Variants in SYNE2 observed in about 807,000 individuals in gnomAD.
SYNE2 encodes the protein nesprin-2.
In SYNE2, 431 loss-of-function variants were observed where a neutral mutation model predicts 856.3. The ratio of observed to expected loss-of-function variants is 0.50; its 90% CI spans 0.47 to 0.55. The LOEUF (loss-of-function observed/expected upper bound fraction) is 0.55, where lower values mean the gene tolerates loss of function less well. Ranked by LOEUF, SYNE2 falls within the 20% of genes least tolerant of loss-of-function variation. The pLI, the probability that SYNE2 is intolerant of heterozygous loss-of-function variation, is 0.00. For synonymous variants in SYNE2, 2,923 were observed against 2,872.3 expected, an observed-to-expected ratio of 1.02 and a Z score of -0.56; for missense variants, 8,129 against 8,023.2, an observed-to-expected ratio of 1.01 and a Z score of -0.50.
At chr14:64,157,617 T>A (rs916660045) in intron 85 of SYNE2, among the ~76,000 whole-genome samples, 5 of 152,140 alleles carry the variant, frequency 3.3e-5, no homozygotes, top group Non-Finnish European at 5.9e-5. Context: ...AATTGTTAGG[T>A]CATATGGCAA....
intron 108 of SYNE2, among the ~76,000 whole-genome samples, chr14:64,217,741 G>GA (rs2098673377): frequency 6.7e-6 from 1 of 149,368 alleles, no homozygotes; most frequent in South Asian, 2.1e-4. Flanking sequence ...AAATCTGAAG[G>GA]TTTTTTTTTT....
rs2097435672 is a variant in SYNE2, at chr14:64,073,996, G to A, written c.10726G>A (p.Glu3576Lys). ...KLLQKVQKNKELVQTEIQERH... is the reference protein window; with the variant it reads ...KLLQKVQKNKKLVQTEIQERH... ...TCTTCAGAAAGTTCAGAAAAATAAA[G>A]AATTGGTGCAGACTGAAATCCAAGA... is the stretch of plus-strand genomic sequence containing the variant. The change falls in exon 53 of 116, where the codon GAA (glutamate) becomes AAA (lysine). Residue 3576 changes from glutamate to lysine, a missense_variant. Glu to Lys is a moderately conservative substitution (Grantham distance 56, BLOSUM62 1). Transcript: ENST00000555002. 1 of 1,614,030 alleles carries A rather than the reference G, an allele frequency of 6.2e-7. No homozygotes were observed. The highest frequency in any genetic ancestry group is 1.3e-5 in the African/African-American group (1 of 74,920).
At chr14:64,014,742 G>A (rs2096874694) in intron 32 of SYNE2, among the ~76,000 whole-genome samples, 1 of 151,752 alleles carries the variant, frequency 6.6e-6, no homozygotes, top group Non-Finnish European at 1.5e-5. Flanking sequence ...ATTTTTTAAG[G>A]AAACTGTCAA....
At chr14:64,146,789 G>T (rs2098190967) in intron 84 of SYNE2, among the ~76,000 whole-genome samples, 1 of 152,234 alleles carries the variant, frequency 6.6e-6, no homozygotes, top group East Asian at 1.9e-4. Flanking sequence ...TGTGGCTGCT[G>T]CCCATTCAGA....
intron 96 of SYNE2, 78 bp from the exon 97 acceptor site, chr14:64,186,346 A>C: frequency 6.4e-7 from 1 of 1,571,508 alleles, no homozygotes; most frequent in Non-Finnish European, 8.8e-7. Flanking sequence ...AGTCTAATCA[A>C]AGGATTAGCC....
At position 63,899,328 on chromosome 14, in the gene SYNE2, A is replaced by G. The variant is rs560295385; in HGVS notation, c.-51-9770A>G. 4.6e-5 allele frequency among the ~76,000 whole-genome samples: 7 copies of G among 152,184 alleles called. No individual in the cohort carries two copies. In the East Asian group the frequency reaches 1.2e-3, roughly 25 times the overall value. On this transcript the variant is annotated intron_variant, in intron 1 of 115. Transcript: ENST00000555002. ...GCAATTCTTCTGTCTCAACCTCCCA[A>G]GTAGCTGGGACTATAGGCGCCTGCC... is the stretch of plus-strand genomic sequence containing the variant.
chr14:63,897,630 A>G (rs751518430), intron 1 of SYNE2, among the ~76,000 whole-genome samples: 2 of 152,192 alleles, frequency 1.3e-5, no homozygotes, highest in African/African-American at 4.8e-5. Context: ...TGGACCCAGC[A>G]TGCCATTTGG....
chr14:64,130,490 G>T (rs1393158714), intron 76 of SYNE2, among the ~76,000 whole-genome samples: 1 of 150,754 alleles, frequency 6.6e-6, no homozygotes, highest in Non-Finnish European at 1.5e-5. Context: ...TGATTGAGAA[G>T]ATAGATATTT....
rs985645519 is a variant in SYNE2 at position 64,071,776 on chromosome 14, G to A, written c.10697+866G>A. 3.9e-5 allele frequency among the ~76,000 whole-genome samples: 6 copies of A among 152,230 alleles called. No homozygotes were observed. The East Asian group carries it at 1.2e-3, about 29-fold the overall frequency. ...TCACGCCTGTAATCCCAGCACTTTGGGAGGCCAAGGTGGATGGATCACCTG... is the reference window on the plus strand; with the variant it reads ...TCACGCCTGTAATCCCAGCACTTTGAGAGGCCAAGGTGGATGGATCACCTG... On this transcript the variant is annotated intron_variant, in intron 52 of 115. Transcript: ENST00000555002.
chr14:64,160,682 T>G (rs1305280106), intron 87 of SYNE2, among the ~76,000 whole-genome samples: 3 of 152,244 alleles, frequency 2.0e-5, no homozygotes, highest in Non-Finnish European at 4.4e-5. Context: ...GCAAACATTC[T>G]CATGTATTTC....
In SYNE2 at chr14:64,125,273, T is replaced by C; in HGVS notation, c.13554+63T>C. 10 of 1,606,024 alleles carry C rather than the reference T, an allele frequency of 6.2e-6. No individual in the cohort carries two copies. In the East Asian group the frequency reaches 6.7e-5, roughly 11 times the overall value. Reference sequence around the variant, plus strand: ...AACATAAACAAAGGAGATATCATCATTGTGACTTGGTCATAATTGTCGTCA... The same window carrying C: ...AACATAAACAAAGGAGATATCATCACTGTGACTTGGTCATAATTGTCGTCA... On this transcript the variant is annotated intron_variant, in intron 71 of 115. Coordinates refer to ENST00000555002, the MANE Select transcript of SYNE2 (RefSeq NM_182914.3).
chr14:64,116,002 A>T (rs76238270), intron 66 of SYNE2, among the ~76,000 whole-genome samples: 3,509 of 152,038 alleles, frequency 0.023, 49 homozygotes, highest in African/African-American at 0.039. Context: ...AAATAATTTA[A>T]AAAAAAATTA....
intron 108 of SYNE2, chr14:64,218,139 CAG>C (rs1214619948): frequency 2.3e-6 from 1 of 440,322 alleles, no homozygotes; most frequent in Non-Finnish European, 4.2e-6. Flanking sequence ...CCAATTGAAA[CAG>C]ACCCTTTTCT....
chr14:64,203,058 T>A (rs760988524), intron 100 of SYNE2, 95 bp downstream of exon 100: 57 of 1,470,554 alleles, frequency 3.9e-5, no homozygotes, highest in Non-Finnish European at 4.3e-5. Context: ...TTTCACGTGC[T>A]CACATTCCAT....
At chr14:63,915,183 T>C (rs2095519799) in intron 2 of SYNE2, among the ~76,000 whole-genome samples, 1 of 152,166 alleles carries the variant, frequency 6.6e-6, no homozygotes, top group Non-Finnish European at 1.5e-5. Context: ...AAAAGGTACT[T>C]TACAAAGAAA....
intron 57 of SYNE2, among the ~76,000 whole-genome samples, chr14:64,086,340 C>T (rs2097561065): frequency 6.6e-6 from 1 of 152,214 alleles, no homozygotes; most frequent in Admixed American, 6.5e-5. Flanking sequence ...TGGGCTCTCC[C>T]TTCTGTTCAA....
rs1326129270 is a variant in SYNE2 at position 64,049,751 on chromosome 14, G to A, written c.7518G>A (p.Gln2506=). ...CACAGCATTTGGACAATTTGCTTCA[G>A]GCACTTATTACTTTGAAGAAAAACA... ...YSAQHLDNLL[Q]ALITLKKNKE... Residue 2506 remains glutamine, a synonymous_variant, in exon 47 of 116, where the codon CAG becomes CAA. Transcript: ENST00000555002. The A allele has an allele frequency of 1.2e-6, 2 of 1,613,980 alleles. No homozygotes were observed. The highest frequency in any genetic ancestry group is 1.7e-6 in the Non-Finnish European group (2 of 1,180,030).
chr14:63,997,789 T>G (rs1444904132), intron 25 of SYNE2, among the ~76,000 whole-genome samples: 2 of 152,362 alleles, frequency 1.3e-5, no homozygotes, highest in East Asian at 3.9e-4. Context: ...TATTTCATTT[T>G]CTGTGGGAAT....
At chr14:63,861,073 A>C (rs1225022168) in intron 1 of SYNE2, among the ~76,000 whole-genome samples, 1 of 152,076 alleles carries the variant, frequency 6.6e-6, no homozygotes, top group Non-Finnish European at 1.5e-5. Flanking sequence ...AGAGGATTAG[A>C]CAATCTTTGA....
Sources: gnomAD v4.1 joint callset for allele counts (sites outside exome capture counted in the v4.1 genomes callset) on GRCh38, gnomAD v4.1.1 for gene constraint, MANE v1.5 for transcripts, NCBI Gene and HGNC (gene_info 2026-07-23, HGNC 2026-07-21) for gene names.